NXPE2: variants seen among roughly 807,000 people sequenced by gnomAD.
The protein encoded by NXPE2 is neurexophilin and PC-esterase domain family member 2.
Under a neutral mutation model 34.4 loss-of-function variants are expected in NXPE2, and 34 were observed. The ratio of observed to expected loss-of-function variants is 0.99; its 90% confidence interval spans 0.75 to 1.31. The LOEUF (loss-of-function observed/expected upper bound fraction) is 1.31, where lower values mean the gene tolerates loss of function less well. NXPE2 is among the 40% of genes most tolerant of loss of function. The probability of loss-of-function intolerance (pLI) is 0.00; values close to 1 mark genes in which losing one functional copy is unlikely to be tolerated. For missense variants in NXPE2, 649 were observed against 672.5 expected (o/e 0.97, Z 0.39); for synonymous variants, 235 against 231.3 (o/e 1.02, Z -0.15).
the NXPE2 span, among the ~76,000 whole-genome samples, chr11:114,487,755 T>C: frequency 1.3e-5 from 2 of 152,180 alleles, no homozygotes; most frequent in Admixed American, 6.5e-5. Context: ...AAATGCTTTT[T>C]CAGCATTAAT....
At chr11:114,570,248 A>G in the NXPE2 span, among the ~76,000 whole-genome samples, 1 of 152,158 alleles carries the variant, frequency 6.6e-6, no homozygotes, top group Middle Eastern at 3.4e-3. Flanking sequence ...CTGTCTTGCA[A>G]CCCAAAGTGC....
At chr11:114,490,192 C>G in the NXPE2 span, among the ~76,000 whole-genome samples, 1 of 151,910 alleles carries the variant, frequency 6.6e-6, no homozygotes, top group South Asian at 2.1e-4. Flanking sequence ...AACCACTGCT[C>G]AATGAAATAA....
chr11:114,507,480 G>A, the NXPE2 span, among the ~76,000 whole-genome samples: 1 of 152,086 alleles, frequency 6.6e-6, no homozygotes, highest in South Asian at 2.1e-4. Context: ...GAACATCGAT[G>A]CAAAAATCTT....
At chr11:114,792,062 AAAAG>A in the NXPE2 span, among the ~76,000 whole-genome samples, 2 of 151,712 alleles carry the variant, frequency 1.3e-5, no homozygotes, top group South Asian at 4.2e-4. Context: ...CGTCTCAAAA[AAAAG>A]AAAAAAAGAA....
At chr11:114,648,928 G>C in the NXPE2 span, among the ~76,000 whole-genome samples, 1 of 129,104 alleles carries the variant, frequency 7.7e-6, no homozygotes, top group African/African-American at 2.7e-5. Flanking sequence ...TATGTTATAT[G>C]ATAAGGGGAT....
the NXPE2 span, among the ~76,000 whole-genome samples, chr11:114,773,206 T>A: frequency 2.0e-5 from 3 of 150,668 alleles, no homozygotes; most frequent in Admixed American, 2.0e-4. Context: ...CATCCTAGGC[T>A]CCTTCAATGG....
chr11:114,501,964 C>T, the NXPE2 span, among the ~76,000 whole-genome samples: 1 of 152,164 alleles, frequency 6.6e-6, no homozygotes, highest in Non-Finnish European at 1.5e-5. Flanking sequence ...TCTTCTTTCA[C>T]ATTATTTGTC....
chr11:114,606,006 C>G, the NXPE2 span, among the ~76,000 whole-genome samples: 1 of 151,760 alleles, frequency 6.6e-6, no homozygotes, highest in East Asian at 1.9e-4. Flanking sequence ...TAAGTATTGC[C>G]TCATGGGTAA....
At chr11:114,621,347 T>A in the NXPE2 span, among the ~76,000 whole-genome samples, 1 of 152,152 alleles carries the variant, frequency 6.6e-6, no homozygotes, top group Non-Finnish European at 1.5e-5. Flanking sequence ...AAGTGTTGCC[T>A]CGTTAGTAAA....
chr11:114,711,968 T>G (rs571218109), downstream of NXPE2, among the ~76,000 whole-genome samples: 44 of 152,228 alleles, frequency 2.9e-4, no homozygotes, highest in African/African-American at 1.0e-3. Context: ...TACATGATTT[T>G]CAGGAAGTGT....
the NXPE2 span, among the ~76,000 whole-genome samples, chr11:114,729,497 CA>C: frequency 6.6e-6 from 1 of 152,142 alleles, no homozygotes; most frequent in African/African-American, 2.4e-5. Context: ...CTGCTTTCCA[CA>C]GTGGCTAAAC....
chr11:114,589,873 A>G, the NXPE2 span, among the ~76,000 whole-genome samples: 2 of 152,210 alleles, frequency 1.3e-5, no homozygotes, highest in Non-Finnish European at 2.9e-5. Context: ...TGCAGAATGG[A>G]GATTCATTAA....
chr11:114,479,735 C>T, the NXPE2 span, among the ~76,000 whole-genome samples: 10 of 152,186 alleles, frequency 6.6e-5, no homozygotes, highest in African/African-American at 2.2e-4. Flanking sequence ...TGAGAGATGG[C>T]AATTGGAGGG....
the NXPE2 span, among the ~76,000 whole-genome samples, chr11:114,572,633 A>G: frequency 2.6e-5 from 4 of 152,208 alleles, no homozygotes; most frequent in Non-Finnish European, 5.9e-5. Context: ...GCTAGAAGAC[A>G]AGGCTTTAGA....
At chr11:114,508,018 T>C in the NXPE2 span, among the ~76,000 whole-genome samples, 1,141 of 152,286 alleles carry the variant, frequency 7.5e-3, 18 homozygotes, top group African/African-American at 0.026. Context: ...AAAAGCTTCT[T>C]AAGCTGTTAA....
At chr11:114,666,439 C>G in the NXPE2 span, among the ~76,000 whole-genome samples, 2 of 152,070 alleles carry the variant, frequency 1.3e-5, no homozygotes, top group Non-Finnish European at 2.9e-5. Flanking sequence ...TTGATTATTA[C>G]TATCAAAGTA....
the NXPE2 span, among the ~76,000 whole-genome samples, chr11:114,566,576 G>T: frequency 3.9e-5 from 6 of 152,304 alleles, 1 homozygote; most frequent in Middle Eastern, 6.8e-3. Flanking sequence ...CAACTGGAAT[G>T]TGTTGTAACA....
chr11:114,795,835 C>T, the NXPE2 span, among the ~76,000 whole-genome samples: 75 of 152,346 alleles, frequency 4.9e-4, no homozygotes, highest in African/African-American at 1.8e-3. Context: ...CTGGAATTCA[C>T]TAATGAATTT....
chr11:114,770,595 G>A, the NXPE2 span, among the ~76,000 whole-genome samples: 1 of 152,184 alleles, frequency 6.6e-6, no homozygotes, highest in South Asian at 2.1e-4. Flanking sequence ...ACCAAATGCA[G>A]GGCTTTGGAT....
Sources: allele counts gnomAD v4.1 joint callset (sites outside exome capture counted in the v4.1 genomes callset), GRCh38; gene constraint gnomAD v4.1.1; transcripts MANE v1.5; gene names NCBI Gene and HGNC (gene_info 2026-07-23, HGNC 2026-07-21).